EML1: variants seen among roughly 807,000 people sequenced by gnomAD.
EML1 encodes the protein echinoderm microtubule-associated protein-like 1.
In EML1, 27 loss-of-function variants were observed where a neutral mutation model predicts 110.4. That is an observed-to-expected ratio of 0.24 (90% CI 0.18 to 0.34). The LOEUF is 0.34. Among genes scored for constraint, EML1 ranks in the 10% least tolerant of loss-of-function variants. The probability of loss-of-function intolerance (pLI) is 1.00; values close to 1 mark genes in which losing one functional copy is unlikely to be tolerated. For missense variants in EML1, 741 were observed against 1,030.9 expected, an observed-to-expected ratio of 0.72 and a Z score of 3.85; for synonymous variants, 344 against 385.8, an observed-to-expected ratio of 0.89 and a Z score of 1.27.
chr14:99,925,584 T>G (rs1345883181), intron 17 of EML1, among the ~76,000 whole-genome samples: 1 of 152,228 alleles, frequency 6.6e-6, no homozygotes, highest in Non-Finnish European at 1.5e-5. Flanking sequence ...AATGAATGAT[T>G]GGGCAGAGGT....
chr14:99,795,039 A>C (rs961662015), intron 1 of EML1, among the ~76,000 whole-genome samples: 1 of 152,194 alleles, frequency 6.6e-6, no homozygotes, highest in Non-Finnish European at 1.5e-5. Flanking sequence ...GCTTAGTTGG[A>C]AAGATATGTG....
chr14:99,877,401 C>T (rs1388162149), intron 3 of EML1, among the ~76,000 whole-genome samples: 1 of 152,162 alleles, frequency 6.6e-6, no homozygotes, highest in Non-Finnish European at 1.5e-5. Context: ...CCACTCCATA[C>T]CTGGGCTCTG....
intron 1 of EML1, among the ~76,000 whole-genome samples, chr14:99,825,463 G>A (rs2139758562): frequency 6.6e-6 from 1 of 152,260 alleles, no homozygotes; most frequent in East Asian, 1.9e-4. Context: ...ACCTCAGAGA[G>A]ATCAAGCTAC....
chr14:99,753,852 T>G (rs2057212534), intron 1 of EML1, among the ~76,000 whole-genome samples: 1 of 152,206 alleles, frequency 6.6e-6, no homozygotes, highest in Non-Finnish European at 1.5e-5. Context: ...CCGCATCAGC[T>G]AGGTGGTATT....
intron 17 of EML1, among the ~76,000 whole-genome samples, chr14:99,926,284 GT>G (rs11407717): frequency 3.3e-5 from 5 of 149,304 alleles, no homozygotes; most frequent in South Asian, 2.1e-4. Flanking sequence ...GTTTTTTGGG[GT>G]TTTTTTTTTC....
At position 99,867,931 on chromosome 14, in the gene EML1, T is replaced by C. The variant is rs114978016; in HGVS notation, c.383+2285T>C. ...AGGAAAAGCTTTCAGTCTTTTACCA[T>C]TGAGTATTATTTGAGCTGTGGCCAC... is the stretch of plus-strand genomic sequence containing the variant. On this transcript the variant is annotated intron_variant, in intron 3 of 21. Transcript: ENST00000262233. Among the ~76,000 whole-genome samples the C allele has an allele frequency of 7.9e-4, 120 of 152,304 alleles. 1 individual carries two copies. Among genetic ancestry groups the C allele is most frequent in the African/African-American group, 2.8e-3 (116 of 41,566 alleles).
chr14:99,739,089 T>A (rs377434248), intron 1 of EML1, among the ~76,000 whole-genome samples: 2,749 of 133,994 alleles, frequency 0.021, 103 homozygotes, highest in African/African-American at 0.084. Context: ...TGTGTGTGTG[T>A]GTGAGAGAGA....
In EML1 at chr14:99,784,406, TA is replaced by T. The variant is rs2057577317; in HGVS notation, c.-27+10398del. ...CTGTGCCTGGCCTGCAAGGACATTT[TA>T]AAAAGAATTAGCCAAGCAAATATTG... On this transcript the variant is annotated intron_variant, in intron 1 of 22. Transcript: ENST00000327921. This position sits in a 1 kb window ranked among gnomAD's most constrained non-coding sequence, Gnocchi z 4.5. Among the ~76,000 whole-genome samples the T allele has an allele frequency of 6.6e-6, 1 of 152,248 alleles. No homozygotes were observed. The highest frequency in any genetic ancestry group is 6.5e-5 in the Admixed American group (1 of 15,286).
At chr14:99,831,279 G>A (rs914979103) in intron 1 of EML1, among the ~76,000 whole-genome samples, 2 of 152,106 alleles carry the variant, frequency 1.3e-5, no homozygotes, top group East Asian at 1.9e-4. Context: ...TGAATATTCC[G>A]CAAAATGATT....
At chr14:99,910,151 A>T in intron 11 of EML1, 91 bp from the exon 12 acceptor site, 1 of 931,318 alleles carries the variant, frequency 1.1e-6, no homozygotes, top group Non-Finnish European at 1.6e-6. Context: ...CTGCGAATCT[A>T]GATGTTATTA....
intron 17 of EML1, among the ~76,000 whole-genome samples, chr14:99,935,294 C>A (rs1341030696): frequency 6.6e-6 from 1 of 151,556 alleles, no homozygotes; most frequent in East Asian, 2.0e-4. Flanking sequence ...GTCAACACAG[C>A]GAGACCCCAA....
At chr14:99,858,092 T>C (rs934535833) in intron 2 of EML1, among the ~76,000 whole-genome samples, 4 of 152,176 alleles carry the variant, frequency 2.6e-5, no homozygotes, top group African/African-American at 9.7e-5. Flanking sequence ...AGATACAAAG[T>C]AGCATGCTCT....
chr14:99,916,846 C>T (rs1345190495), intron 15 of EML1, among the ~76,000 whole-genome samples: 6 of 152,210 alleles, frequency 3.9e-5, no homozygotes, highest in South Asian at 2.1e-4. Context: ...CAAGTCCAGT[C>T]GTCTGTACCG....
chr14:99,917,703 G>A, intron 15 of EML1, 79 bp from the exon 16 acceptor site: 1 of 1,376,638 alleles, frequency 7.3e-7, no homozygotes, highest in Non-Finnish European at 1.0e-6. Context: ...GTTTGTGTGT[G>A]CACGCACTCA....
At position 99,777,481 on chromosome 14, in the gene EML1, A is replaced by G. The variant is rs369360099; in HGVS notation, c.-27+3468A>G. On this transcript the variant is annotated intron_variant, in intron 1 of 22. Coordinates refer to the EML1 transcript ENST00000327921. ...GTCGCCCAGGCTGCAGTGCAGTGGC[A>G]TGATCCTGGCTCACTGCAACCTCTG... Among the ~76,000 whole-genome samples the G allele has an allele frequency of 2.4e-4, 37 of 152,250 alleles. No homozygotes were observed. The East Asian group carries it at 6.9e-3, about 29-fold the overall frequency.
At chr14:99,860,115 C>T (rs2058977134) in intron 2 of EML1, among the ~76,000 whole-genome samples, 1 of 152,142 alleles carries the variant, frequency 6.6e-6, no homozygotes, top group South Asian at 2.1e-4. Context: ...TTCACCTGGG[C>T]ACCTCTTACC....
intron 3 of EML1, among the ~76,000 whole-genome samples, chr14:99,876,139 C>T (rs549517679): frequency 6.6e-6 from 1 of 151,636 alleles, no homozygotes; most frequent in Non-Finnish European, 1.5e-5. Context: ...ACAGAGGAGA[C>T]AGAGAGGGGA....
At position 99,827,896 on chromosome 14, in the gene EML1, T is replaced by A. The variant is rs1311716517; in HGVS notation, c.68-22957T>A. ...GGTCCCGTGAGCACCCAGCAGGGTG[T>A]CTGGGTGCAGTAGATGCGATGGTTG... On this transcript the variant is annotated intron_variant, in intron 1 of 21. Coordinates refer to ENST00000262233, the MANE Select transcript of EML1 (RefSeq NM_004434.3). The surrounding 1 kb of genome is among the most constrained non-coding windows in gnomAD (Gnocchi z 4.4). Among the ~76,000 whole-genome samples the A allele has an allele frequency of 6.6e-6, 1 of 152,110 alleles. No individual in the cohort carries two copies. The highest frequency in any genetic ancestry group is 1.5e-5 in the Non-Finnish European group (1 of 68,024).
intron 1 of EML1, among the ~76,000 whole-genome samples, chr14:99,766,308 C>T (rs976196740): frequency 1.3e-5 from 2 of 151,510 alleles, no homozygotes; most frequent in Non-Finnish European, 2.9e-5. Context: ...AATTCTCCTG[C>T]CTCAGCCTCC....
Sources: allele counts gnomAD v4.1 joint callset (sites outside exome capture counted in the v4.1 genomes callset), GRCh38; gene constraint gnomAD v4.1.1; non-coding constraint Gnocchi (gnomAD v3.1); transcripts MANE v1.5; gene names NCBI Gene and HGNC (gene_info 2026-07-23, HGNC 2026-07-21).